RNLS: variants seen among roughly 807,000 people sequenced by gnomAD.
RNLS encodes the protein renalase, FAD dependent amine oxidase.
A neutral mutation model predicts 39.8 loss-of-function variants in RNLS; 39 were observed. That is an observed-to-expected ratio of 0.98 (90% CI 0.76 to 1.28). The LOEUF (loss-of-function observed/expected upper bound fraction) is 1.28, where lower values mean the gene tolerates loss of function less well. Ranked by LOEUF, RNLS falls within the 50% of genes most tolerant of loss-of-function variation. The pLI is 0.00. For synonymous variants in RNLS, 147 were observed against 150.7 expected, an observed-to-expected ratio of 0.98 and a Z score of 0.18; for missense variants, 410 against 413.3, an observed-to-expected ratio of 0.99 and a Z score of 0.07.
chr10:88,355,359 T>C (rs1342658033), intron 5 of RNLS, among the ~76,000 whole-genome samples: 1 of 152,222 alleles, frequency 6.6e-6, no homozygotes, highest in Non-Finnish European at 1.5e-5. Context: ...CTACCTTTGG[T>C]CTTTGATGAT....
intron 4 of RNLS, among the ~76,000 whole-genome samples, chr10:88,478,106 T>C (rs551091785): frequency 1.3e-5 from 2 of 152,232 alleles, no homozygotes; most frequent in Admixed American, 6.5e-5. Context: ...TGAAGTCAAC[T>C]ATCAACAAGG....
At chr10:88,361,813 A>C (rs911907044) in intron 5 of RNLS, among the ~76,000 whole-genome samples, 4 of 152,236 alleles carry the variant, frequency 2.6e-5, no homozygotes, top group African/African-American at 9.6e-5. Context: ...CAAGAGTTTT[A>C]GTCATTTTAC....
chr10:88,256,307 G>T, the RNLS span, among the ~76,000 whole-genome samples: 5 of 152,274 alleles, frequency 3.3e-5, no homozygotes, highest in South Asian at 1.0e-3. Context: ...CTCGGTTTAC[G>T]GTTCCAGTGT....
At chr10:88,549,649 A>G (rs1000610116) in intron 4 of RNLS, among the ~76,000 whole-genome samples, 1 of 152,238 alleles carries the variant, frequency 6.6e-6, no homozygotes, top group Admixed American at 6.5e-5. Context: ...AATTTAAAGT[A>G]GAAGAATGCC....
chr10:88,553,783 T>C (rs971603867), intron 4 of RNLS, among the ~76,000 whole-genome samples: 1 of 152,160 alleles, frequency 6.6e-6, no homozygotes, highest in South Asian at 2.1e-4. Flanking sequence ...TACCTCTATG[T>C]ACGCTAAAGA....
chr10:88,449,080 G>A (rs565838577), intron 4 of RNLS, among the ~76,000 whole-genome samples: 15 of 152,194 alleles, frequency 9.9e-5, no homozygotes, highest in Admixed American at 2.0e-4. Context: ...GCACACCAAC[G>A]TGGCACATGT....
At chr10:88,248,987 T>C in the RNLS span, among the ~76,000 whole-genome samples, 2 of 152,194 alleles carry the variant, frequency 1.3e-5, no homozygotes. Flanking sequence ...TCTTCAAGAC[T>C]AGTGTGCCAA....
chr10:88,484,369 C>T (rs566132095), intron 4 of RNLS, among the ~76,000 whole-genome samples: 1 of 152,152 alleles, frequency 6.6e-6, no homozygotes, highest in East Asian at 1.9e-4. Flanking sequence ...ATTTAGAAGG[C>T]AGAATCTGAT....
At chr10:88,463,123 A>G (rs1179777024) in intron 4 of RNLS, among the ~76,000 whole-genome samples, 10 of 152,000 alleles carry the variant, frequency 6.6e-5, no homozygotes, top group Non-Finnish European at 1.5e-5. Flanking sequence ...GGTTGGATCT[A>G]TATATTGAAG....
chr10:88,424,420 T>C (rs181214629), intron 4 of RNLS, among the ~76,000 whole-genome samples: 22 of 152,132 alleles, frequency 1.4e-4, no homozygotes, highest in Middle Eastern at 3.4e-3. Context: ...AGGAGAGGAA[T>C]AGGTGGCTTG....
chr10:88,322,743 T>A (rs1846277050), intron 5 of RNLS, among the ~76,000 whole-genome samples: 1 of 152,196 alleles, frequency 6.6e-6, no homozygotes, highest in African/African-American at 2.4e-5. Context: ...ATGTCTACTC[T>A]CATTTCTCCT....
At chr10:88,415,555 AT>A (rs1853965135) in intron 4 of RNLS, among the ~76,000 whole-genome samples, 2 of 152,222 alleles carry the variant, frequency 1.3e-5, no homozygotes, top group Non-Finnish European at 2.9e-5. Flanking sequence ...AACTAAAAAA[AT>A]AAAAGTTAAC....
chr10:88,496,809 G>A (rs893502088), intron 4 of RNLS, among the ~76,000 whole-genome samples: 2 of 152,078 alleles, frequency 1.3e-5, no homozygotes, highest in East Asian at 3.9e-4. Flanking sequence ...GCCAGAGAAG[G>A]TTTCAAGTTT....
At chr10:88,476,028 G>A (rs1481763206) in intron 4 of RNLS, among the ~76,000 whole-genome samples, 1 of 152,052 alleles carries the variant, frequency 6.6e-6, no homozygotes, top group Admixed American at 6.6e-5. Flanking sequence ...TATGATTCAG[G>A]AGACTCTTCT....
At position 88,581,665 on chromosome 10, in the gene RNLS, C is replaced by T; in HGVS notation, c.269G>A (p.Ser90Asn). 1 of 1,598,796 alleles carries T rather than the reference C, an allele frequency of 6.3e-7. No homozygotes were observed. The highest frequency in any genetic ancestry group is 8.5e-7 in the Non-Finnish European group (1 of 1,172,988). Reference sequence around the variant, plus strand: ...CATCACCATTCCTTCAATAGGCGAGCTTAGAGGCCTCAAAACGCCATAGGC... The same window carrying T: ...CATCACCATTCCTTCAATAGGCGAGTTTAGAGGCCTCAAAACGCCATAGGC... ...LLAYGVLRPL[S>N]SPIEGMVMKE... is the part of the protein sequence containing the mutation. Residue 90 changes from serine to asparagine, a missense_variant, in exon 3 of 7, where the codon AGC becomes AAC. By Grantham distance (46) the Ser-to-Asn change is conservative. Coordinates refer to ENST00000331772, the MANE Select transcript of RNLS (RefSeq NM_001031709.3).
chr10:88,201,476 G>A, the RNLS span, among the ~76,000 whole-genome samples: 1 of 152,154 alleles, frequency 6.6e-6, no homozygotes, highest in Non-Finnish European at 1.5e-5. Context: ...AGGCTGTTGT[G>A]CTGTGAGAGG....
At chr10:88,294,312 A>G (rs537920205) in intron 6 of RNLS, among the ~76,000 whole-genome samples, 3 of 152,328 alleles carry the variant, frequency 2.0e-5, no homozygotes, top group South Asian at 4.1e-4. Flanking sequence ...CTATTTGCAT[A>G]TAGGAAACTA....
At chr10:88,330,779 C>T (rs546492911) in intron 5 of RNLS, among the ~76,000 whole-genome samples, 72 of 151,760 alleles carry the variant, frequency 4.7e-4, no homozygotes, top group African/African-American at 1.3e-3. Flanking sequence ...GACAAAATGA[C>T]GCTAAAGGTA....
At chr10:88,374,996 A>C (rs955148707) in intron 4 of RNLS, among the ~76,000 whole-genome samples, 13 of 152,282 alleles carry the variant, frequency 8.5e-5, no homozygotes, top group Middle Eastern at 3.4e-3. Flanking sequence ...GTTTTCAGTT[A>C]ACAGCTCACT....
Sources: gnomAD v4.1 joint callset for allele counts (sites outside exome capture counted in the v4.1 genomes callset) on GRCh38, gnomAD v4.1.1 for gene constraint, MANE v1.5 for transcripts, NCBI Gene and HGNC (gene_info 2026-07-23, HGNC 2026-07-21) for gene names.